The following OPCML variants were observed in gnomAD, a reference collection of about 807,000 sequenced individuals.
The protein encoded by OPCML is opioid-binding protein/cell adhesion molecule.
OPCML carries 13 observed loss-of-function variants against 37.8 expected under a neutral mutation model. The ratio of observed to expected loss-of-function variants is 0.34; its 90% CI spans 0.22 to 0.55. The LOEUF (loss-of-function observed/expected upper bound fraction) is 0.55. Ranked by LOEUF, OPCML falls within the 20% of genes least tolerant of loss-of-function variation. The pLI, the probability that OPCML is intolerant of heterozygous loss-of-function variation, is 0.91. For missense variants in OPCML, 341 were observed against 435.6 expected, an observed-to-expected ratio of 0.78 and a Z score of 1.93; for synonymous variants, 176 against 168.8, an observed-to-expected ratio of 1.04 and a Z score of -0.33.
chr11:132,809,665 A>G (rs892225265), intron 2 of OPCML, among the ~76,000 whole-genome samples: 1 of 152,104 alleles, frequency 6.6e-6, no homozygotes, highest in Non-Finnish European at 1.5e-5. Context: ...TTTAATTAAA[A>G]AAAGTGCCAT....
At chr11:132,987,836 C>T (rs2136809131) in intron 1 of OPCML, among the ~76,000 whole-genome samples, 1 of 152,324 alleles carries the variant, frequency 6.6e-6, no homozygotes, top group East Asian at 1.9e-4. Context: ...AAACTGATGT[C>T]AAGGAATGCT....
intron 1 of OPCML, among the ~76,000 whole-genome samples, chr11:133,405,058 G>A (rs1945496714): frequency 6.6e-6 from 1 of 152,186 alleles, no homozygotes; most frequent in Admixed American, 6.5e-5. Flanking sequence ...TTCAAAACAG[G>A]CTTTTACAGT....
At chr11:132,572,036 T>C (rs1043129355) in intron 3 of OPCML, among the ~76,000 whole-genome samples, 1 of 152,160 alleles carries the variant, frequency 6.6e-6, no homozygotes, top group African/African-American at 2.4e-5. Context: ...CCTCTTTTCA[T>C]GTATCTGTTG....
At chr11:132,684,809 C>A in intron 2 of OPCML, among the ~76,000 whole-genome samples, 1 of 152,162 alleles carries the variant, frequency 6.6e-6, no homozygotes. Context: ...ACTTTGCGGT[C>A]ACTGTTGTAA....
intron 2 of OPCML, among the ~76,000 whole-genome samples, chr11:132,900,112 T>C (rs957542000): frequency 6.6e-6 from 1 of 152,180 alleles, no homozygotes; most frequent in Non-Finnish European, 1.5e-5. Context: ...TACAGACCTG[T>C]ACAACTTGCA....
intron 2 of OPCML, among the ~76,000 whole-genome samples, chr11:132,726,813 C>T (rs920797449): frequency 7.2e-5 from 11 of 152,120 alleles, no homozygotes; most frequent in Admixed American, 2.0e-4. Flanking sequence ...TTTAAGTTAC[C>T]GCTCATCCAA....
intron 1 of OPCML, among the ~76,000 whole-genome samples, chr11:133,449,216 C>T (rs1946530344): frequency 6.6e-6 from 1 of 152,194 alleles, no homozygotes; most frequent in Non-Finnish European, 1.5e-5. Flanking sequence ...ACCACTATTA[C>T]TCTGGACCAA....
chr11:133,470,183 C>T (rs748872371), intron 1 of OPCML, among the ~76,000 whole-genome samples: 3 of 152,034 alleles, frequency 2.0e-5, no homozygotes, highest in Admixed American at 1.3e-4. Flanking sequence ...TGGAACTCCA[C>T]GAAACTAGAG....
rs148804823 is a variant in OPCML at position 133,462,657 on chromosome 11, T to C, written c.61+69607A>G. On this transcript the variant is annotated intron_variant, in intron 1 of 7. Coordinates refer to ENST00000524381, the MANE Select transcript of OPCML (RefSeq NM_001012393.5). ...ATCTCTTCATGCCCTTTAATATGGATATTATTAAAATACCAGAGAATAACA... is the reference window on the plus strand; with the variant it reads ...ATCTCTTCATGCCCTTTAATATGGACATTATTAAAATACCAGAGAATAACA... Among the ~76,000 whole-genome samples the C allele has an allele frequency of 7.8e-4, 119 of 152,254 alleles. 5 individuals are homozygous for C. The East Asian group carries it at 0.022, about 28-fold the overall frequency.
At chr11:133,291,819 A>T (rs1408789237) in intron 1 of OPCML, among the ~76,000 whole-genome samples, 1 of 152,204 alleles carries the variant, frequency 6.6e-6, no homozygotes, top group Admixed American at 6.5e-5. Context: ...TTCACAAAAA[A>T]GTTCAGGTGG....
chr11:133,362,813 C>T (rs1326333635), intron 1 of OPCML, among the ~76,000 whole-genome samples: 1 of 151,928 alleles, frequency 6.6e-6, no homozygotes, highest in Admixed American at 6.6e-5. Flanking sequence ...TGTCCCACGT[C>T]CTAATCCCAC....
At chr11:133,362,762 C>G (rs939841150) in intron 1 of OPCML, among the ~76,000 whole-genome samples, 8 of 152,088 alleles carry the variant, frequency 5.3e-5, no homozygotes, top group African/African-American at 1.9e-4. Context: ...AGAGGAGATC[C>G]GTTCCAAACT....
chr11:132,645,753 T>C (rs543255107), intron 3 of OPCML, among the ~76,000 whole-genome samples: 90 of 152,360 alleles, frequency 5.9e-4, no homozygotes, highest in African/African-American at 2.0e-3. Flanking sequence ...TATTTCAAAT[T>C]AAATTAATTA....
intron 1 of OPCML, among the ~76,000 whole-genome samples, chr11:133,105,725 A>G (rs1268151537): frequency 6.6e-6 from 1 of 152,248 alleles, no homozygotes; most frequent in Non-Finnish European, 1.5e-5. Flanking sequence ...TCATGCCTGC[A>G]ATCCCAGCAT....
At chr11:132,659,539 A>G (rs1421948467) in intron 2 of OPCML, among the ~76,000 whole-genome samples, 2 of 152,192 alleles carry the variant, frequency 1.3e-5, no homozygotes, top group Admixed American at 6.5e-5. Flanking sequence ...CACACAACCC[A>G]AGTGACTAAG....
intron 1 of OPCML, among the ~76,000 whole-genome samples, chr11:133,273,187 A>C (rs1338505013): frequency 6.6e-6 from 1 of 152,208 alleles, no homozygotes; most frequent in Non-Finnish European, 1.5e-5. Context: ...GTCAAAGGAC[A>C]CATTCAAACC....
intron 7 of OPCML, among the ~76,000 whole-genome samples, chr11:132,431,115 C>G (rs149584628): frequency 9.7e-4 from 147 of 152,294 alleles, no homozygotes; most frequent in African/African-American, 3.4e-3. Context: ...CTCAGTAAAG[C>G]TAACGAATGC....
intron 7 of OPCML, among the ~76,000 whole-genome samples, chr11:132,435,793 C>A (rs1465962711): frequency 6.6e-6 from 1 of 152,204 alleles, no homozygotes; most frequent in East Asian, 1.9e-4. Context: ...GTTGAATTGA[C>A]CCATGGTTCT....
At chr11:133,182,813 G>T (rs1937897738) in intron 1 of OPCML, among the ~76,000 whole-genome samples, 1 of 152,114 alleles carries the variant, frequency 6.6e-6, no homozygotes, top group Non-Finnish European at 1.5e-5. Context: ...GAAGCGAAAG[G>T]ATGTGCATAT....
Sources: allele counts gnomAD v4.1 joint callset (sites outside exome capture counted in the v4.1 genomes callset), GRCh38; gene constraint gnomAD v4.1.1; transcripts MANE v1.5; gene names NCBI Gene and HGNC (gene_info 2026-07-23, HGNC 2026-07-21).